MLF1: variants seen among roughly 807,000 people sequenced by gnomAD.
MLF1 encodes myelodysplasia-myeloid leukemia factor 1.
In MLF1, 37 loss-of-function variants were observed where a neutral mutation model predicts 38.3. The observed-to-expected ratio is 0.96, with a 90% CI of 0.74 to 1.27. MLF1 has a LOEUF of 1.27. Among genes scored for constraint, MLF1 ranks in the 50% most tolerant of loss-of-function variants. MLF1 has a pLI of 0.00. For synonymous variants in MLF1, 95 were observed against 106.5 expected, an observed-to-expected ratio of 0.89 and a Z score of 0.66; for missense variants, 331 against 349.2, an observed-to-expected ratio of 0.95 and a Z score of 0.42.
At chr3:158,590,712 G>A in intron 1 of MLF1, 2 of 439,060 alleles carry the variant, frequency 4.6e-6, no homozygotes, top group Non-Finnish European at 9.0e-6. Context: ...GCCTATTCAT[G>A]GTAACTAGGG....
intron 1 of MLF1, chr3:158,582,958 T>A: frequency 1.5e-6 from 1 of 658,562 alleles, no homozygotes; most frequent in East Asian, 2.8e-5. Context: ...TTTTTCTTAT[T>A]CTTAATGGAT....
intron 3 of MLF1, among the ~76,000 whole-genome samples, chr3:158,596,090 A>G (rs1418602862): frequency 6.6e-6 from 1 of 152,040 alleles, no homozygotes; most frequent in Non-Finnish European, 1.5e-5. Flanking sequence ...GTAGGATGTT[A>G]AGCTGCATCC....
Position 158,571,248 on chromosome 3 carries a change from A to T in MLF1, c.-53A>T. 2.8e-6 allele frequency: 4 copies of T among 1,452,142 alleles called. No homozygotes were observed. The highest frequency in any genetic ancestry group is 3.9e-6 in the Non-Finnish European group (4 of 1,036,898). 90.0% of individuals were successfully genotyped at this position (1,452,142 alleles called of 1,614,324 possible). On this transcript the variant is annotated 5_prime_UTR_variant, in exon 1 of 8. Coordinates refer to ENST00000466246, the MANE Select transcript of MLF1 (RefSeq NM_001369783.1). ...GCTCTTGTCGCGGCCGCGGCGAGTTAACATCGTTTTTCCAATCTGTCCGCG... is the reference window on the plus strand; with the variant it reads ...GCTCTTGTCGCGGCCGCGGCGAGTTTACATCGTTTTTCCAATCTGTCCGCG...
At chr3:158,580,189 A>T (rs983825534) in intron 1 of MLF1, among the ~76,000 whole-genome samples, 1 of 151,958 alleles carries the variant, frequency 6.6e-6, no homozygotes, top group Non-Finnish European at 1.5e-5. Context: ...TGCATACTGG[A>T]CTTAATACCT....
At chr3:158,601,555 G>A (rs564182602) in intron 6 of MLF1, among the ~76,000 whole-genome samples, 1 of 151,790 alleles carries the variant, frequency 6.6e-6, no homozygotes, top group East Asian at 2.0e-4. Flanking sequence ...GGGCGACAGA[G>A]CGAGACTCTG....
At chr3:158,593,476 T>C (rs1718461926) in intron 3 of MLF1, 50 bp downstream of exon 3, 2 of 1,443,922 alleles carry the variant, frequency 1.4e-6, no homozygotes, top group African/African-American at 1.4e-5. Flanking sequence ...CTGACAAATA[T>C]TTATTTTTCA....
chr3:158,595,159 A>G (rs975007246), intron 3 of MLF1, among the ~76,000 whole-genome samples: 1 of 152,176 alleles, frequency 6.6e-6, no homozygotes, highest in African/African-American at 2.4e-5. Context: ...AAGATGAAAC[A>G]GGGTAATGAT....
intron 1 of MLF1, among the ~76,000 whole-genome samples, chr3:158,580,298 A>G (rs928521105): frequency 1.3e-5 from 2 of 152,144 alleles, no homozygotes; most frequent in Admixed American, 1.3e-4. Flanking sequence ...CTTAAAAAAA[A>G]AAAAGAAAGA....
chr3:158,598,087 T>C lies in MLF1; in HGVS notation c.332T>C (p.Leu111Pro). The change falls in exon 5 of 8, where the codon CTT (leucine) becomes CCT (proline). Residue 111 changes from leucine (L) to proline (P), a missense_variant. Leu to Pro is a moderately conservative substitution (Grantham distance 98). Coordinates refer to ENST00000466246, the MANE Select transcript of MLF1 (RefSeq NM_001369783.1). The stretch of plus-strand genomic sequence containing the variant: ...CAATTTGTTTACCTGTAGGGTCAAC[T>C]TTCAGTGGATCCAAATGGACATTCA... The part of the protein sequence containing the change: ...MQKLERNFGQ[L>P]SVDPNGHSFC... The C allele has an allele frequency of 6.2e-7, 1 of 1,612,952 alleles. No individual in the cohort carries two copies. The highest frequency in any genetic ancestry group is 8.5e-7 in the Non-Finnish European group (1 of 1,179,632).
chr3:158,593,069 A>G (rs963780452), intron 2 of MLF1, among the ~76,000 whole-genome samples: 1 of 152,116 alleles, frequency 6.6e-6, no homozygotes, highest in Non-Finnish European at 1.5e-5. Flanking sequence ...AAGCCTTACA[A>G]CTGAAATATA....
chr3:158,604,415 T>C (rs1370497333), intron 7 of MLF1, among the ~76,000 whole-genome samples: 1 of 152,232 alleles, frequency 6.6e-6, no homozygotes, highest in African/African-American at 2.4e-5. Flanking sequence ...ATATCTATTC[T>C]GTCCAGTGTA....
chr3:158,604,154 C>G (rs1419446388), intron 7 of MLF1, among the ~76,000 whole-genome samples: 3 of 152,134 alleles, frequency 2.0e-5, no homozygotes, highest in Admixed American at 2.0e-4. Flanking sequence ...ATTTAGAGCC[C>G]TAGTATTTTC....
chr3:158,574,083 G>A (rs989071806), intron 1 of MLF1, among the ~76,000 whole-genome samples: 2 of 152,144 alleles, frequency 1.3e-5, no homozygotes, highest in Non-Finnish European at 2.9e-5. Flanking sequence ...ACAGGCATGC[G>A]CCACTGCACC....
chr3:158,583,246 C>T (rs1292895567), intron 1 of MLF1, among the ~76,000 whole-genome samples: 1 of 152,106 alleles, frequency 6.6e-6, no homozygotes, highest in Non-Finnish European at 1.5e-5. Context: ...ATTATTGCCC[C>T]CAGGTGCTAT....
chr3:158,598,383 G>A (rs887487640), intron 5 of MLF1, among the ~76,000 whole-genome samples, 175 bp downstream of exon 5: 1 of 151,378 alleles, frequency 6.6e-6, no homozygotes. Flanking sequence ...AAGCTCAACT[G>A]TATTTACTTA....
At position 158,600,028 on chromosome 3, in the gene MLF1, G is replaced by A. The variant is rs1719504886; in HGVS notation, c.468G>A (p.Arg156=). Residue 156 remains arginine (R), a synonymous_variant, in exon 6 of 8, where the codon AGG becomes AGA. Transcript: ENST00000466246. The part of the protein sequence containing the change: ...RRAPGGIKET[R]KAMRDSDSGL... ...TATTTTTACAGATAAAGGAAACCAG[G>A]AAAGCAATGAGAGATTCTGACAGTG... 7.1e-7 allele frequency: 1 copy of A among 1,404,966 alleles called. No homozygotes were observed. Among genetic ancestry groups the A allele is most frequent in the Non-Finnish European group, 9.3e-7 (1 of 1,073,346 alleles). The allele number at this position is 1,404,966 out of a possible 1,614,324, so 87.0% of individuals were successfully genotyped here.
intron 5 of MLF1, among the ~76,000 whole-genome samples, chr3:158,599,291 A>G (rs963263606): frequency 3.3e-5 from 5 of 152,170 alleles, no homozygotes; most frequent in Non-Finnish European, 5.9e-5. Flanking sequence ...TTTCCAAGCT[A>G]CTATCCCAGT....
At chr3:158,575,001 G>GTCTAGCAGAAGTGTAATTTAAAC (rs1175824234) in intron 1 of MLF1, among the ~76,000 whole-genome samples, 1 of 152,120 alleles carries the variant, frequency 6.6e-6, no homozygotes. Context: ...TCTTTAAAAT[G>GTCTAGCAGAAGTGTAATTTAAAC]TCTAGCAGAA....
At chr3:158,571,516 G>T (rs897823791) in intron 1 of MLF1, 169 bp downstream of exon 1, 4 of 744,446 alleles carry the variant, frequency 5.4e-6, no homozygotes, top group Admixed American at 2.4e-5. Context: ...AGAGAGAGGA[G>T]GATTTAGGGG....
Sources: gnomAD v4.1 joint callset for allele counts (sites outside exome capture counted in the v4.1 genomes callset) on GRCh38, gnomAD v4.1.1 for gene constraint, MANE v1.5 for transcripts, NCBI Gene and HGNC (gene_info 2026-07-23, HGNC 2026-07-21) for gene names.